UTP25: variants seen among roughly 807,000 people sequenced by gnomAD.
UTP25 encodes the protein U3 small nucleolar RNA-associated protein 25 homolog.
Under a neutral mutation model 78.9 loss-of-function variants are expected in UTP25, and 50 were observed. The ratio of observed to expected loss-of-function variants is 0.63; its 90% CI spans 0.50 to 0.80. The LOEUF (loss-of-function observed/expected upper bound fraction) is 0.80, where lower values mean the gene tolerates loss of function less well. Among genes scored for constraint, UTP25 ranks in the 30% least tolerant of loss-of-function variants. The pLI, the probability that UTP25 is intolerant of heterozygous loss-of-function variation, is 0.00. For missense variants in UTP25, 846 were observed against 911.3 expected, an observed-to-expected ratio of 0.93 and a Z score of 0.92; for synonymous variants, 329 against 336.5, an observed-to-expected ratio of 0.98 and a Z score of 0.24.
Position 209,837,074 on chromosome 1 carries a change from GTGTAT to G in UTP25, c.928_932del (p.Tyr310ProfsTer19). 6.2e-7 allele frequency: 1 copy of G among 1,614,188 alleles called. No individual in the cohort carries two copies. The highest frequency in any genetic ancestry group is 8.5e-7 in the Non-Finnish European group (1 of 1,180,018). ...GAAGAACGGGGAAGAGATCCGCCAT[GTGTAT>G]TGCCTGCATGTGATAAATCACATCC... is the stretch of plus-strand genomic sequence containing the variant. On this transcript the variant is annotated frameshift_variant, in exon 6 of 12. Transcript: ENST00000491415. LOFTEE classifies it high-confidence loss of function.
rs1347057518 is a variant in UTP25, at chr1:209,855,503, T to C, written c.*4056T>C. The C allele has an allele frequency of 6.6e-6, 1 of 151,942 alleles. No individual in the cohort carries two copies. Among genetic ancestry groups the C allele is most frequent in the Non-Finnish European group, 1.5e-5 (1 of 68,002 alleles). 9.4% of individuals were successfully genotyped at this position (151,942 alleles called of 1,614,324 possible). On this transcript the variant is annotated 3_prime_UTR_variant, in exon 12 of 12. Coordinates refer to ENST00000491415, the MANE Select transcript of UTP25 (RefSeq NM_014388.7). ...AGTATAGCCCTATGCTCAAAAGGAG[T>C]GAGGACAGGTATGTGACTGCCATAA...
At chr1:209,840,230 A>G (rs2078158817) in intron 7 of UTP25, among the ~76,000 whole-genome samples, 1 of 152,250 alleles carries the variant, frequency 6.6e-6, no homozygotes. Context: ...TGAAGGTGAC[A>G]TTAAAGCCAT....
chr1:209,830,435 G>A (rs1375873427), intron 2 of UTP25, among the ~76,000 whole-genome samples: 4 of 150,680 alleles, frequency 2.7e-5, no homozygotes, highest in Non-Finnish European at 4.4e-5. Flanking sequence ...ATCTTTTTTG[G>A]TTAGCATAAA....
chr1:209,849,172 C>T (rs940120647), intron 11 of UTP25, among the ~76,000 whole-genome samples: 2 of 152,112 alleles, frequency 1.3e-5, no homozygotes, highest in Non-Finnish European at 2.9e-5. Flanking sequence ...TTTTGGCAGG[C>T]CCTTTTTATT....
At chr1:209,844,492 C>G (rs775930098) in intron 11 of UTP25, 1 of 152,096 alleles carries the variant, frequency 6.6e-6, no homozygotes, top group Non-Finnish European at 1.5e-5. Flanking sequence ...ATTAGTTGAG[C>G]GTGGTGGTGT....
rs186131673 is a variant in UTP25 at position 209,853,109 on chromosome 1, T to C, written c.*1662T>C. ...AAATATTTAGACATTTTTACTTCTT[T>C]TTCTTCAGCATGGTAAGTAAAACCA... On this transcript the variant is annotated 3_prime_UTR_variant, in exon 12 of 12. Transcript: ENST00000491415. 3.1e-4 allele frequency: 47 copies of C among 152,194 alleles called. No homozygotes were observed. The highest frequency in any genetic ancestry group is 1.1e-3 in the African/African-American group (47 of 41,578). 9.4% of individuals were successfully genotyped at this position (152,194 alleles called of 1,614,324 possible).
chr1:209,843,693 A>G lies in UTP25; in HGVS notation c.2024A>G (p.Lys675Arg), dbSNP rs536929340. Residue 675 changes from lysine (K) to arginine (R), a missense_variant, in exon 11 of 12, where the codon AAA becomes AGA. Transcript: ENST00000491415. ...LLFTERFHFY[K>R]RYTIKGIRNL... is the part of the protein sequence containing the mutation. The stretch of plus-strand genomic sequence containing the variant: ...TTCACAGAGCGCTTCCATTTCTACA[A>G]AAGGTAAAGTGGTGCCAGGTTTCAA... The G allele has an allele frequency of 4.5e-5, 72 of 1,612,734 alleles. No homozygotes were observed. The South Asian group carries it at 7.6e-4, about 17-fold the overall frequency.
intron 1 of UTP25, among the ~76,000 whole-genome samples, chr1:209,829,008 G>GGTCTCGAACTACTGACCTCA (rs1558050524): frequency 6.6e-6 from 1 of 150,420 alleles, no homozygotes; most frequent in Non-Finnish European, 1.5e-5. Flanking sequence ...TACTGACCTC[G>GGTCTCGAACTACTGACCTCA]GGTGATCTGC....
rs780933987 is a variant in UTP25, at chr1:209,851,953, TTAAA to T, written c.*509_*512del. 2 of 153,902 alleles carry T rather than the reference TTAAA, an allele frequency of 1.3e-5. No individual in the cohort carries two copies. The highest frequency in any genetic ancestry group is 1.3e-4 in the Admixed American group (2 of 15,646). The allele number at this position is 153,902 out of a possible 1,614,324, so 9.5% of individuals were successfully genotyped here. ...GCCCCAGCCAAACTTTTTTGAAACC[TTAAA>T]TAGTCTACCTTAATTCAGCCTAGAA... On this transcript the variant is annotated 3_prime_UTR_variant, in exon 12 of 12. Coordinates refer to ENST00000491415, the MANE Select transcript of UTP25 (RefSeq NM_014388.7).
rs2078286175 is a variant in UTP25 at position 209,857,419 on chromosome 1, G to A, written c.*5972G>A. On this transcript the variant is annotated 3_prime_UTR_variant, in exon 12 of 12. Transcript: ENST00000491415. Reference sequence around the variant, plus strand: ...ATTCCACAAATACAAGTGAAATAGTGAAAAACAAAAATCAAACTACATCTA... The same window carrying A: ...ATTCCACAAATACAAGTGAAATAGTAAAAAACAAAAATCAAACTACATCTA... 1 of 151,672 alleles carries A rather than the reference G, an allele frequency of 6.6e-6. No homozygotes were observed. Among genetic ancestry groups the A allele is most frequent in the Non-Finnish European group, 1.5e-5 (1 of 67,960 alleles). 9.4% of individuals were successfully genotyped at this position (151,672 alleles called of 1,614,324 possible).
intron 8 of UTP25, among the ~76,000 whole-genome samples, chr1:209,841,695 T>C (rs994042385): frequency 2.0e-5 from 3 of 152,204 alleles, no homozygotes; most frequent in Non-Finnish European, 4.4e-5. Flanking sequence ...ACCCCATGTC[T>C]TGAAGCTTGC....
chr1:209,851,094 C>T (rs1387738744), intron 11 of UTP25, 110 bp from the exon 12 acceptor site: 1 of 1,246,918 alleles, frequency 8.0e-7, no homozygotes, highest in Non-Finnish European at 1.1e-6. Flanking sequence ...CTGTTTTTCT[C>T]CATTAGCAGG....
intron 11 of UTP25, among the ~76,000 whole-genome samples, chr1:209,848,495 A>G (rs1483006499): frequency 1.3e-5 from 2 of 152,134 alleles, no homozygotes; most frequent in Non-Finnish European, 2.9e-5. Context: ...GCTGTTGTAT[A>G]TAATAATACG....
Position 209,830,884 on chromosome 1 carries a change from G to A in UTP25, c.229G>A (p.Ala77Thr), listed in dbSNP as rs146534364. The change falls in exon 3 of 12, where the codon GCT becomes ACT. Residue 77 changes from alanine to threonine, a missense_variant. Ala to Thr is a moderately conservative substitution (Grantham distance 58). Coordinates refer to ENST00000491415, the MANE Select transcript of UTP25 (RefSeq NM_014388.7). ...AGTTTCTGGCTACCACAGACTACTT[G>A]CTACATTAAAGAATGTTTCTGAGGA... ...QQVSGYHRLL[A>T]TLKNVSEEEE... 6.2e-7 allele frequency: 1 copy of A among 1,614,098 alleles called. No homozygotes were observed. The highest frequency in any genetic ancestry group is 1.1e-5 in the South Asian group (1 of 91,074).
intron 7 of UTP25, among the ~76,000 whole-genome samples, chr1:209,840,358 G>A (rs187231567): frequency 6.6e-6 from 1 of 152,350 alleles, no homozygotes; most frequent in Non-Finnish European, 1.5e-5. Flanking sequence ...GGCCAGGTCA[G>A]TGATAGAAGC....
Position 209,833,283 on chromosome 1 carries a change from G to C in UTP25, c.487G>C (p.Glu163Gln). ...SPEEFTDAKHESLFSLETNFL... is the reference protein window; with the variant it reads ...SPEEFTDAKHQSLFSLETNFL... ...CGAAGAGTTCACAGATGCAAAACAC[G>C]AGTCACTGTTCAGCCTGGAAACCAA... Residue 163 changes from glutamate to glutamine, a missense_variant, in exon 4 of 12, where the codon GAG (glutamate) becomes CAG (glutamine). Transcript: ENST00000491415. 2 of 1,603,028 alleles carry C rather than the reference G, an allele frequency of 1.2e-6. No individual in the cohort carries two copies. The highest frequency in any genetic ancestry group is 1.7e-6 in the Non-Finnish European group (2 of 1,177,028).
rs781452351 is a variant in UTP25, at chr1:209,831,053, T to C, written c.388+10T>C. On this transcript the variant is annotated intron_variant, in intron 3 of 11. Transcript: ENST00000491415. The stretch of plus-strand genomic sequence containing the variant: ...ACTGAAAGTCCAGAGAGTAAGTGTC[T>C]TTACTATAGGCTCATCATCTTTGCC... The C allele has an allele frequency of 1.2e-6, 2 of 1,613,944 alleles. No individual in the cohort carries two copies. Among genetic ancestry groups the C allele is most frequent in the South Asian group, 2.2e-5 (2 of 91,062 alleles).
At chr1:209,840,661 G>C (rs2078161686) in intron 7 of UTP25, among the ~76,000 whole-genome samples, 192 bp from the exon 8 acceptor site, 1 of 152,126 alleles carries the variant, frequency 6.6e-6, no homozygotes, top group South Asian at 2.1e-4. Context: ...AAGCTAGAAG[G>C]GACTATAGAT....
chr1:209,835,956 A>C (rs1294413670), intron 5 of UTP25, among the ~76,000 whole-genome samples: 1 of 151,934 alleles, frequency 6.6e-6, no homozygotes, highest in Non-Finnish European at 1.5e-5. Context: ...TCCTGTATCT[A>C]CTCCTGCCAT....
Sources: gnomAD v4.1 joint callset for allele counts (sites outside exome capture counted in the v4.1 genomes callset) on GRCh38, gnomAD v4.1.1 for gene constraint, MANE v1.5 for transcripts, NCBI Gene and HGNC (gene_info 2026-07-23, HGNC 2026-07-21) for gene names.